The following NLGN1 variants were observed in gnomAD, a reference collection of about 807,000 sequenced individuals.
NLGN1 encodes neuroligin-1.
In NLGN1, 12 loss-of-function variants were observed where a neutral mutation model predicts 65.5. The observed-to-expected ratio is 0.18, with a 90% CI of 0.12 to 0.30. The LOEUF is 0.30. Ranked by LOEUF, NLGN1 falls within the 10% of genes least tolerant of loss-of-function variation. The pLI, the probability that NLGN1 is intolerant of heterozygous loss-of-function variation, is 1.00. For synonymous variants in NLGN1, 350 were observed against 359.5 expected (o/e 0.97, Z 0.30); for missense variants, 750 against 1,007.1 (o/e 0.74, Z 3.46).
intron 3 of NLGN1, among the ~76,000 whole-genome samples, chr3:173,802,119 T>C (rs2150414451): frequency 6.6e-6 from 1 of 152,068 alleles, no homozygotes; most frequent in Admixed American, 6.5e-5. Flanking sequence ...ATTTTAAAAA[T>C]ATTTTGATTG....
intron 4 of NLGN1, among the ~76,000 whole-genome samples, chr3:174,004,406 T>C (rs915289519): frequency 3.9e-5 from 6 of 152,126 alleles, no homozygotes; most frequent in Admixed American, 3.9e-4. Context: ...TAATTTTGAA[T>C]CTTGATTCGG....
At chr3:174,288,070 T>TG (rs1024777775), downstream of NLGN1, among the ~76,000 whole-genome samples, 3 of 151,592 alleles carry the variant, frequency 2.0e-5, no homozygotes, top group African/African-American at 7.3e-5. Context: ...TCCAAACACA[T>TG]GGACTGATTT....
intron 4 of NLGN1, among the ~76,000 whole-genome samples, chr3:173,817,956 A>C (rs1410486956): frequency 1.3e-5 from 2 of 152,188 alleles, no homozygotes; most frequent in Admixed American, 6.5e-5. Flanking sequence ...AATTTCCCTC[A>C]TTGCTAGTTA....
intron 3 of NLGN1, among the ~76,000 whole-genome samples, chr3:173,712,343 T>A (rs1282348923): frequency 6.6e-6 from 1 of 152,186 alleles, no homozygotes; most frequent in Non-Finnish European, 1.5e-5. Flanking sequence ...TTTAAATCCA[T>A]GTCTGTTTAA....
chr3:174,076,720 A>AGTGTGTGTGTGTGT (rs1304122173), intron 4 of NLGN1, among the ~76,000 whole-genome samples: 1 of 114,750 alleles, frequency 8.7e-6, no homozygotes, highest in African/African-American at 4.0e-5. Context: ...AGAGAGAGAG[A>AGTGTGTGTGTGTGT]GAGAGTGTGT....
Position 174,143,671 on chromosome 3 carries a change from G to A in NLGN1, c.647-131644G>A, listed in dbSNP as rs185295363. On this transcript the variant is annotated intron_variant, in intron 4 of 6. Transcript: ENST00000457714. ...GCATCTCCCCACAATGCACTCTTTG[G>A]CAAAACCACAGAGAAATAGTCTATG... is the stretch of plus-strand genomic sequence containing the variant. Among the ~76,000 whole-genome samples the A allele has an allele frequency of 2.6e-5, 4 of 152,106 alleles. No homozygotes were observed. In the East Asian group the frequency reaches 7.8e-4, roughly 29 times the overall value.
chr3:173,584,956 A>G (rs1472593558), intron 2 of NLGN1: 1 of 152,210 alleles, frequency 6.6e-6, no homozygotes, highest in African/African-American at 2.4e-5. Flanking sequence ...GAAGTGTTGT[A>G]GAGACCGTCT....
intron 1 of NLGN1, among the ~76,000 whole-genome samples, chr3:173,413,222 CA>C (rs1212156954): frequency 6.6e-6 from 1 of 152,008 alleles, no homozygotes; most frequent in Non-Finnish European, 1.5e-5. Flanking sequence ...CTTTTAAGAA[CA>C]CAAATTTGCC....
intron 3 of NLGN1, among the ~76,000 whole-genome samples, chr3:173,727,039 A>C (rs1436967559): frequency 3.3e-5 from 5 of 152,136 alleles, no homozygotes; most frequent in Non-Finnish European, 1.5e-5. Context: ...AGAGAAAGAA[A>C]GAAAAAGAAA....
intron 2 of NLGN1, among the ~76,000 whole-genome samples, chr3:173,539,640 A>ATACATATATAACATATATGTATATATG (rs1738191443): frequency 1.8e-5 from 2 of 111,812 alleles, no homozygotes; most frequent in African/African-American, 4.7e-5. Context: ...ATACACATAT[A>ATACATATATAACATATATGTATATATG]TACATATATA....
chr3:173,447,413 C>T (rs1720574567), intron 2 of NLGN1, among the ~76,000 whole-genome samples: 1 of 152,122 alleles, frequency 6.6e-6, no homozygotes, highest in South Asian at 2.1e-4. Flanking sequence ...TGTTCTGTTT[C>T]ATTGATCTAT....
At position 173,600,592 on chromosome 3, in the gene NLGN1, C is replaced by CTTTTTTTTTTT. The variant is rs150984290; in HGVS notation, c.-320-3678_-320-3677insTTTTTTTTTTT. Among the ~76,000 whole-genome samples the CTTTTTTTTTTT allele has an allele frequency of 3.2e-4, 33 of 103,510 alleles. 5 individuals carry two copies. Among genetic ancestry groups the CTTTTTTTTTTT allele is most frequent in the Admixed American group, 3.7e-4 (3 of 8,104 alleles). The allele number at this position is 103,510 out of a possible 152,430, so 67.9% of individuals were successfully genotyped here. A position where few individuals can be genotyped will look rare whatever the true frequency, so the allele number is the denominator to read the frequency against. ...AAGCAAGGTAGAAATAAAAACATATCTTTTTTTTTAGAAAAAGATATGTAA... is the reference window on the plus strand; with the variant it reads ...AAGCAAGGTAGAAATAAAAACATATCTTTTTTTTTTTTTTTTTTTTAGAAAAAGATATGTAA... On this transcript the variant is annotated intron_variant, in intron 2 of 6. Transcript: ENST00000457714.
intron 3 of NLGN1, among the ~76,000 whole-genome samples, chr3:173,765,241 A>G (rs1385391678): frequency 6.6e-6 from 1 of 152,164 alleles, no homozygotes; most frequent in Non-Finnish European, 1.5e-5. Flanking sequence ...ACTTTAACTC[A>G]CTGAAGAAAA....
chr3:173,681,193 A>G lies in NLGN1; in HGVS notation c.493+76102A>G, dbSNP rs548611955. 1.2e-4 allele frequency among the ~76,000 whole-genome samples: 19 copies of G among 152,340 alleles called. No homozygotes were observed. In the South Asian group the frequency reaches 3.9e-3, roughly 32 times the overall value. On this transcript the variant is annotated intron_variant, in intron 3 of 6. Transcript: ENST00000457714. ...AGATAAGATAAGCAGAAGTTGTTTT[A>G]TATTCAGAGTACTATTTTTTTAATA...
chr3:173,734,056 T>C (rs1773315785), intron 3 of NLGN1, among the ~76,000 whole-genome samples: 2 of 152,116 alleles, frequency 1.3e-5, no homozygotes, highest in African/African-American at 4.8e-5. Flanking sequence ...TTTGCGGTTA[T>C]ATTTTAATTA....
chr3:174,057,763 A>T (rs927161415), intron 4 of NLGN1: 3 of 152,026 alleles, frequency 2.0e-5, no homozygotes, highest in African/African-American at 7.2e-5. Context: ...ACCTCAATCA[A>T]AAAGAATGCC....
chr3:173,964,317 T>C (rs1017000260), intron 4 of NLGN1, among the ~76,000 whole-genome samples: 1 of 152,196 alleles, frequency 6.6e-6, no homozygotes, highest in African/African-American at 2.4e-5. Flanking sequence ...GTTACCATAC[T>C]GAAATTACAC....
At chr3:173,464,114 A>G (rs985733247) in intron 2 of NLGN1, among the ~76,000 whole-genome samples, 52 of 152,226 alleles carry the variant, frequency 3.4e-4, no homozygotes, top group African/African-American at 1.2e-3. Context: ...TTTTGTTACT[A>G]TATATATCTG....
chr3:174,159,455 A>T (rs1221856997), intron 4 of NLGN1, among the ~76,000 whole-genome samples: 1 of 151,810 alleles, frequency 6.6e-6, no homozygotes, highest in East Asian at 1.9e-4. Context: ...CCCAACAACT[A>T]AATTTTATAA....
Sources: allele counts gnomAD v4.1 joint callset (sites outside exome capture counted in the v4.1 genomes callset), GRCh38; gene constraint gnomAD v4.1.1; transcripts MANE v1.5; gene names NCBI Gene and HGNC (gene_info 2026-07-23, HGNC 2026-07-21).